ERC2: variants seen among roughly 807,000 people sequenced by gnomAD.
ERC2 encodes ELKS/RAB6-interacting/CAST family member 2.
Under a neutral mutation model 114.8 loss-of-function variants are expected in ERC2, and 42 were observed. The observed-to-expected ratio is 0.37, with a 90% CI of 0.29 to 0.47. The LOEUF (loss-of-function observed/expected upper bound fraction) is 0.47. Among genes scored for constraint, ERC2 ranks in the 20% least tolerant of loss-of-function variants. ERC2 has a pLI of 0.99. For missense variants in ERC2, 939 were observed against 1,150.7 expected, an observed-to-expected ratio of 0.82 and a Z score of 2.66; for synonymous variants, 454 against 425.5, an observed-to-expected ratio of 1.07 and a Z score of -0.82.
chr3:56,017,689 C>T (rs962896293), intron 8 of ERC2, among the ~76,000 whole-genome samples: 4 of 152,090 alleles, frequency 2.6e-5, no homozygotes, highest in Non-Finnish European at 4.4e-5. Context: ...ACTCCCTGTA[C>T]CCCTCCCTGC....
intron 3 of ERC2, among the ~76,000 whole-genome samples, chr3:56,270,755 G>A (rs1389121480): frequency 5.3e-5 from 8 of 152,126 alleles, no homozygotes; most frequent in East Asian, 1.9e-4. Context: ...CAAGGTGGGC[G>A]GATCACGAGG....
intron 2 of ERC2, among the ~76,000 whole-genome samples, chr3:56,327,264 T>C (rs553360303): frequency 4.6e-5 from 7 of 152,198 alleles, no homozygotes; most frequent in Non-Finnish European, 8.8e-5. Context: ...GAAAGCCAGG[T>C]ACCTTCTTCA....
intron 6 of ERC2, among the ~76,000 whole-genome samples, chr3:56,092,413 C>T (rs1032854707): frequency 1.4e-4 from 22 of 152,162 alleles, no homozygotes; most frequent in African/African-American, 5.3e-4. Flanking sequence ...ACTTCTTACA[C>T]TAAAATTAGG....
chr3:56,302,151 G>T (rs536453832), intron 2 of ERC2, among the ~76,000 whole-genome samples: 49 of 152,220 alleles, frequency 3.2e-4, no homozygotes, highest in African/African-American at 1.2e-3. Context: ...GAAATGACAG[G>T]CTCAAGAGCA....
At chr3:56,404,803 A>C (rs2107004931) in intron 2 of ERC2, among the ~76,000 whole-genome samples, 1 of 152,364 alleles carries the variant, frequency 6.6e-6, no homozygotes, top group South Asian at 2.1e-4. Flanking sequence ...GTTTTCACAC[A>C]AATAATTATA....
At chr3:55,601,798 G>C (rs1346247552) in intron 17 of ERC2, among the ~76,000 whole-genome samples, 1 of 152,198 alleles carries the variant, frequency 6.6e-6, no homozygotes, top group African/African-American at 2.4e-5. Context: ...CTGCACTCTA[G>C]ACTGGGCTAC....
chr3:56,145,105 G>GA (rs2081070081), intron 5 of ERC2, among the ~76,000 whole-genome samples: 1 of 152,172 alleles, frequency 6.6e-6, no homozygotes, highest in East Asian at 1.9e-4. Flanking sequence ...ACTACACCCT[G>GA]AAAAAAACAC....
intron 7 of ERC2, among the ~76,000 whole-genome samples, chr3:56,048,087 A>G (rs1172636628): frequency 6.6e-6 from 1 of 152,240 alleles, no homozygotes; most frequent in Admixed American, 6.5e-5. Context: ...AAAAAGATTT[A>G]AAGATATTCA....
At chr3:55,638,451 T>G (rs917557552) in intron 17 of ERC2, among the ~76,000 whole-genome samples, 2 of 152,230 alleles carry the variant, frequency 1.3e-5, no homozygotes, top group African/African-American at 2.4e-5. Context: ...TCGTTGTGCA[T>G]AGCTTTGGCA....
At chr3:56,422,175 A>G (rs139617659) in intron 2 of ERC2, among the ~76,000 whole-genome samples, 56 of 152,266 alleles carry the variant, frequency 3.7e-4, no homozygotes, top group African/African-American at 1.3e-3. Context: ...AAATTCCTGA[A>G]GATAGAGGCA....
chr3:55,750,739 C>A (rs1036549522), intron 14 of ERC2, among the ~76,000 whole-genome samples: 11 of 152,176 alleles, frequency 7.2e-5, no homozygotes. Flanking sequence ...AATACCACCA[C>A]CAAGGAAGAA....
intron 2 of ERC2, among the ~76,000 whole-genome samples, chr3:56,358,423 A>T (rs1214484410): frequency 6.6e-6 from 1 of 152,232 alleles, no homozygotes; most frequent in Non-Finnish European, 1.5e-5. Context: ...TGACATAATT[A>T]TGTTGGAAAT....
At chr3:55,532,273 T>C (rs1310866214) in intron 17 of ERC2, among the ~76,000 whole-genome samples, 27 of 152,196 alleles carry the variant, frequency 1.8e-4, no homozygotes, top group Admixed American at 1.8e-3. Context: ...CTGCTCAACG[T>C]TTCACTGCCT....
chr3:56,195,959 G>A (rs1304834247), intron 3 of ERC2, among the ~76,000 whole-genome samples: 2 of 152,172 alleles, frequency 1.3e-5, no homozygotes, highest in African/African-American at 4.8e-5. Context: ...GGACAAAGGA[G>A]GCCAGGGGAG....
At chr3:56,410,565 A>G (rs992300716) in intron 2 of ERC2, among the ~76,000 whole-genome samples, 2 of 152,176 alleles carry the variant, frequency 1.3e-5, no homozygotes, top group African/African-American at 4.8e-5. Flanking sequence ...GAAAAGACCA[A>G]ATAGCTGGTT....
chr3:56,144,610 CA>C (rs1400756899), intron 5 of ERC2, among the ~76,000 whole-genome samples: 1 of 152,130 alleles, frequency 6.6e-6, no homozygotes, highest in Non-Finnish European at 1.5e-5. Flanking sequence ...AAAAGGAAAT[CA>C]ACTGGATATA....
intron 13 of ERC2, among the ~76,000 whole-genome samples, chr3:55,908,310 C>G (rs551921395): frequency 7.8e-4 from 119 of 152,270 alleles, no homozygotes; most frequent in African/African-American, 2.7e-3. Context: ...ACATCTGGAT[C>G]ATGAATGATC....
rs182692679 is a variant in ERC2, at chr3:55,842,560, T to C, written c.2564+45829A>G. ...GACTGATAACTATTATTTCCCTGTC[T>C]AACACATACTGACAAGTGCTCTGGT... On this transcript the variant is annotated intron_variant, in intron 14 of 17. Coordinates refer to ENST00000288221, the MANE Select transcript of ERC2 (RefSeq NM_015576.3). Among the ~76,000 whole-genome samples the C allele has an allele frequency of 9.2e-5, 14 of 152,280 alleles. 1 individual carries two copies. Among genetic ancestry groups the C allele is most frequent in the South Asian group, 4.1e-4 (2 of 4,824 alleles).
At chr3:55,746,949 T>C (rs2066348507) in intron 14 of ERC2, among the ~76,000 whole-genome samples, 1 of 152,214 alleles carries the variant, frequency 6.6e-6, no homozygotes, top group Admixed American at 6.5e-5. Flanking sequence ...GATGCAATTC[T>C]TCATGTAAAT....
Sources: gnomAD v4.1 joint callset for allele counts (sites outside exome capture counted in the v4.1 genomes callset) on GRCh38, gnomAD v4.1.1 for gene constraint, MANE v1.5 for transcripts, NCBI Gene and HGNC (gene_info 2026-07-23, HGNC 2026-07-21) for gene names.